SEC14L4: variants seen among roughly 807,000 people sequenced by gnomAD.
The protein encoded by SEC14L4 is SEC14-like protein 4.
SEC14L4 carries 42 observed loss-of-function variants against 55.1 expected under a neutral mutation model. The observed-to-expected ratio is 0.76, with a 90% CI of 0.60 to 0.99. The LOEUF is 0.99. SEC14L4 is among the 50% of genes least tolerant of loss of function. The pLI is 0.00. For missense variants in SEC14L4, 445 were observed against 512.1 expected (o/e 0.87, Z 1.27); for synonymous variants, 206 against 206.8 (o/e 1.00, Z 0.03).
At position 30,491,497 on chromosome 22, in the gene SEC14L4, C is replaced by G; in HGVS notation, c.1081+76G>C. 1.3e-6 allele frequency: 2 copies of G among 1,571,350 alleles called. 1 individual carries two copies. The highest frequency in any genetic ancestry group is 4.5e-5 in the East Asian group (2 of 44,598). ...GCTTACAGAGATCCCCCCACCCTCC[C>G]GAGAGCTGGAAAGAGAGGGCAAGCA... On this transcript the variant is annotated intron_variant, in intron 11 of 11. Coordinates refer to ENST00000255858, the MANE Select transcript of SEC14L4 (RefSeq NM_174977.4).
At chr22:30,493,890 G>C (rs1285029007) in intron 7 of SEC14L4, among the ~76,000 whole-genome samples, 2 of 152,148 alleles carry the variant, frequency 1.3e-5, no homozygotes, top group Non-Finnish European at 2.9e-5. Flanking sequence ...TGTAATCCCA[G>C]CTACTAGGAA....
chr22:30,498,718 CAAGG>C (rs1182281941), intron 2 of SEC14L4, among the ~76,000 whole-genome samples: 1 of 152,116 alleles, frequency 6.6e-6, no homozygotes, highest in African/African-American at 2.4e-5. Context: ...ATTACCAAGT[CAAGG>C]AAACTCCTTT....
rs1403331368 is a variant in SEC14L4 at position 30,490,022 on chromosome 22, C to G, written c.*85G>C. The G allele has an allele frequency of 6.3e-7, 1 of 1,582,288 alleles. No individual in the cohort carries two copies. Among genetic ancestry groups the G allele is most frequent in the South Asian group, 1.1e-5 (1 of 87,644 alleles). ...GACAAGTGGCTCTCTGCAGCCACCT[C>G]CAGCACCACCCTGCCTGGGAAGGCA... On this transcript the variant is annotated 3_prime_UTR_variant, in exon 12 of 12. Transcript: ENST00000255858.
At chr22:30,497,871 T>C (rs2146188710) in intron 2 of SEC14L4, among the ~76,000 whole-genome samples, 2 of 152,278 alleles carry the variant, frequency 1.3e-5, no homozygotes, top group South Asian at 4.1e-4. Flanking sequence ...AGCTGCTCAT[T>C]ATGGTAGCCG....
intron 2 of SEC14L4, among the ~76,000 whole-genome samples, chr22:30,499,317 A>T (rs1346314857): frequency 2.0e-5 from 3 of 151,200 alleles, no homozygotes; most frequent in Non-Finnish European, 2.9e-5. Flanking sequence ...TCCTGACCTC[A>T]GGTGATCCGC....
At chr22:30,495,034 C>T in intron 5 of SEC14L4, 73 bp from the exon 6 acceptor site, 1 of 1,306,396 alleles carries the variant, frequency 7.7e-7, no homozygotes, top group Non-Finnish European at 1.1e-6. Flanking sequence ...GACTTGGGCA[C>T]CTCTCCCCAC....
rs765740359 is a variant in SEC14L4 at position 30,494,912 on chromosome 22, A to G, written c.473T>C (p.Leu158Pro). Residue 158 changes from leucine to proline, a missense_variant, in exon 6 of 12, where the codon CTG (leucine) becomes CCG (proline). Leu to Pro is a moderately conservative substitution (Grantham distance 98). Transcript: ENST00000255858. Reference protein sequence around the residue: ...MALMVFDMEGLSLKHLWKPAV... With the variant: ...MALMVFDMEGPSLKHLWKPAV... ...TGGCTTCCACAGGTGTTTCAGGCTC[A>G]GCCCCTCCATGTCAAACACCATCAG... 2 of 1,613,716 alleles carry G rather than the reference A, an allele frequency of 1.2e-6. No homozygotes were observed. Among genetic ancestry groups the G allele is most frequent in the Non-Finnish European group, 1.7e-6 (2 of 1,179,966 alleles).
At chr22:30,494,582 G>T (rs958851772) in intron 6 of SEC14L4, among the ~76,000 whole-genome samples, 11 of 152,232 alleles carry the variant, frequency 7.2e-5, no homozygotes, top group African/African-American at 2.6e-4. Context: ...TCACTGTGTT[G>T]CTCAGGCTGA....
At position 30,503,660 on chromosome 22, in the gene SEC14L4, A is replaced by G; in HGVS notation, c.130+17T>C. On this transcript the variant is annotated intron_variant, in intron 2 of 11. Transcript: ENST00000255858. ...CTTCCCTCCCTTTCTGCGTCCCCTGACCCCTGCAAGCCTCACCTCGCAGCC... is the reference window on the plus strand; with the variant it reads ...CTTCCCTCCCTTTCTGCGTCCCCTGGCCCCTGCAAGCCTCACCTCGCAGCC... 1 of 1,585,572 alleles carries G rather than the reference A, an allele frequency of 6.3e-7. No homozygotes were observed. Among genetic ancestry groups the G allele is most frequent in the South Asian group, 1.1e-5 (1 of 90,220 alleles).
At chr22:30,500,559 G>T (rs1413641067) in intron 2 of SEC14L4, among the ~76,000 whole-genome samples, 1 of 151,460 alleles carries the variant, frequency 6.6e-6, no homozygotes, top group Non-Finnish European at 1.5e-5. Flanking sequence ...TAGAGATATG[G>T]TTTCGTCATG....
chr22:30,499,647 G>A (rs1028044778), intron 2 of SEC14L4, among the ~76,000 whole-genome samples: 9 of 151,368 alleles, frequency 5.9e-5, no homozygotes, highest in African/African-American at 1.2e-4. Context: ...GCTGAGGCAC[G>A]AGAATCACTT....
At chr22:30,494,338 G>A (rs1936068149) in intron 6 of SEC14L4, 128 bp from the exon 7 acceptor site, 1 of 723,074 alleles carries the variant, frequency 1.4e-6, no homozygotes, top group Non-Finnish European at 2.5e-6. Flanking sequence ...CCACAAGCAT[G>A]TGCCTCTTCC....
At position 30,490,039 on chromosome 22, in the gene SEC14L4, G is replaced by A; in HGVS notation, c.*68C>T. The stretch of plus-strand genomic sequence containing the variant: ...AGCCACCTCCAGCACCACCCTGCCT[G>A]GGAAGGCAGGGGTCAGAGGGGTGGG... On this transcript the variant is annotated 3_prime_UTR_variant, in exon 12 of 12. Transcript: ENST00000255858. 1.3e-6 allele frequency: 2 copies of A among 1,595,854 alleles called. No individual in the cohort carries two copies. The highest frequency in any genetic ancestry group is 1.7e-5 in the Admixed American group (1 of 57,418).
chr22:30,491,204 C>G (rs1935938538), intron 11 of SEC14L4, among the ~76,000 whole-genome samples: 1 of 152,166 alleles, frequency 6.6e-6, no homozygotes, highest in African/African-American at 2.4e-5. Context: ...TGATAAGCAC[C>G]TGGAGGAAGT....
chr22:30,492,234 G>A, intron 8 of SEC14L4, 79 bp from the exon 9 acceptor site: 2 of 1,522,812 alleles, frequency 1.3e-6, no homozygotes, highest in Admixed American at 1.9e-5. Context: ...CTTGGTGAGG[G>A]AACCTGATAT....
chr22:30,504,530 C>T (rs1255959171), intron 1 of SEC14L4, among the ~76,000 whole-genome samples: 1 of 152,138 alleles, frequency 6.6e-6, no homozygotes, highest in Non-Finnish European at 1.5e-5. Context: ...TAAACTTGTA[C>T]CAATCAAAGG....
At chr22:30,494,301 GC>G in intron 6 of SEC14L4, 91 bp from the exon 7 acceptor site, 1 of 953,698 alleles carries the variant, frequency 1.0e-6, no homozygotes, top group Non-Finnish European at 1.7e-6. Flanking sequence ...GAGACAAGAG[GC>G]CCATCCCTGG....
chr22:30,498,487 A>G (rs928508327), intron 2 of SEC14L4, among the ~76,000 whole-genome samples: 2 of 152,154 alleles, frequency 1.3e-5, no homozygotes, highest in Non-Finnish European at 1.5e-5. Context: ...TTTTCAAGGG[A>G]GACAAGCAAT....
In SEC14L4 at chr22:30,489,711, C is replaced by T. The variant is rs1032413936; in HGVS notation, c.*396G>A. ...CTCTTCAGGCCTGAAGCTGTGATGT[C>T]CACAGGACCTAGGAACCACGCACAC... is the stretch of plus-strand genomic sequence containing the variant. On this transcript the variant is annotated 3_prime_UTR_variant, in exon 12 of 12. Coordinates refer to ENST00000255858, the MANE Select transcript of SEC14L4 (RefSeq NM_174977.4). The T allele has an allele frequency of 2.8e-6, 2 of 720,612 alleles. No homozygotes were observed. Among genetic ancestry groups the T allele is most frequent in the Non-Finnish European group, 4.9e-6 (2 of 409,746 alleles). The allele number at this position is 720,612 out of a possible 1,614,324, so 44.6% of individuals were successfully genotyped here. A position where few individuals can be genotyped will look rare whatever the true frequency, so the allele number is the denominator to read the frequency against.
Sources: gnomAD v4.1 joint callset for allele counts (sites outside exome capture counted in the v4.1 genomes callset) on GRCh38, gnomAD v4.1.1 for gene constraint, MANE v1.5 for transcripts, NCBI Gene and HGNC (gene_info 2026-07-23, HGNC 2026-07-21) for gene names.